The following ROBO2 variants were observed in gnomAD, a reference collection of about 807,000 sequenced individuals.
ROBO2 encodes roundabout guidance receptor 2.
A neutral mutation model predicts 160.8 loss-of-function variants in ROBO2; 53 were observed. That is an observed-to-expected ratio of 0.33 (90% CI 0.26 to 0.41). ROBO2 has a LOEUF of 0.41. ROBO2 is among the 10% of genes least tolerant of loss of function. The pLI is 1.00. For missense variants in ROBO2, 1,577 were observed against 1,722.4 expected (o/e 0.92, Z 1.49); for synonymous variants, 664 against 611.7 (o/e 1.09, Z -1.26).
At chr3:77,633,932 C>G (rs1440266879) in intron 23 of ROBO2, 1 of 152,124 alleles carries the variant, frequency 6.6e-6, no homozygotes, top group Non-Finnish European at 1.5e-5. Flanking sequence ...ATGCTAATAG[C>G]TAACACAGCA....
At chr3:77,365,524 C>T (rs1406595373) in intron 2 of ROBO2, among the ~76,000 whole-genome samples, 7 of 151,992 alleles carry the variant, frequency 4.6e-5, no homozygotes, top group African/African-American at 1.7e-4. Flanking sequence ...GATAGTATAC[C>T]CTTGTCTAAG....
At chr3:76,880,731 G>T (rs2073250364) in intron 2 of ROBO2, among the ~76,000 whole-genome samples, 1 of 152,142 alleles carries the variant, frequency 6.6e-6, no homozygotes, top group Admixed American at 6.5e-5. Flanking sequence ...TTTGTTAAAT[G>T]GAGTAAAAGG....
chr3:77,649,920 A>G (rs1324989454), exon 26 of ROBO2: 4 of 152,174 alleles, frequency 2.6e-5, no homozygotes, highest in Admixed American at 6.5e-5. Context: ...AGAATTGTGT[A>G]TTGTGTACTC....
At chr3:76,209,801 A>G (rs983958490) in intron 2 of ROBO2, among the ~76,000 whole-genome samples, 4 of 152,170 alleles carry the variant, frequency 2.6e-5, no homozygotes, top group African/African-American at 4.8e-5. Context: ...ATGGTCAACA[A>G]TGACCCTGGA....
chr3:77,363,444 G>A (rs1267777833), intron 2 of ROBO2, among the ~76,000 whole-genome samples: 4 of 152,190 alleles, frequency 2.6e-5, no homozygotes, highest in Admixed American at 2.0e-4. Context: ...GGATTTGCAG[G>A]CCATACGATC....
At chr3:76,241,165 C>T (rs1185666079) in intron 2 of ROBO2, among the ~76,000 whole-genome samples, 1 of 152,196 alleles carries the variant, frequency 6.6e-6, no homozygotes, top group Non-Finnish European at 1.5e-5. Context: ...CTATTCCCCA[C>T]TCACAGGTAT....
chr3:77,503,562 AAAT>A (rs941689697), intron 5 of ROBO2, among the ~76,000 whole-genome samples: 11 of 150,688 alleles, frequency 7.3e-5, no homozygotes, highest in African/African-American at 1.7e-4. Flanking sequence ...TAAATAAATA[AAAT>A]AATAATAAGG....
intron 2 of ROBO2, among the ~76,000 whole-genome samples, chr3:76,953,904 A>G (rs1019917627): frequency 6.6e-6 from 1 of 152,226 alleles, no homozygotes; most frequent in Non-Finnish European, 1.5e-5. Context: ...CTGTTCCACC[A>G]GAGTAAGTCT....
intron 2 of ROBO2, among the ~76,000 whole-genome samples, chr3:76,618,407 A>T (rs1306322849): frequency 2.6e-5 from 4 of 151,034 alleles, no homozygotes; most frequent in Non-Finnish European, 5.9e-5. Context: ...AGGAAATTAA[A>T]ACTAAAAAAT....
intron 2 of ROBO2, among the ~76,000 whole-genome samples, chr3:77,201,574 A>G (rs1423402945): frequency 6.6e-6 from 1 of 152,216 alleles, no homozygotes; most frequent in Non-Finnish European, 1.5e-5. Flanking sequence ...TTTACATTTG[A>G]AGATATAATA....
intron 2 of ROBO2, among the ~76,000 whole-genome samples, chr3:76,631,995 T>G (rs2090062736): frequency 1.3e-5 from 2 of 152,250 alleles, no homozygotes; most frequent in South Asian, 2.1e-4. Context: ...TTTAGCAAAC[T>G]ACTGAATAAA....
intron 2 of ROBO2, among the ~76,000 whole-genome samples, chr3:76,555,931 T>C (rs1455805351): frequency 6.6e-6 from 1 of 151,742 alleles, no homozygotes; most frequent in Admixed American, 6.6e-5. Context: ...AAACAAAAAA[T>C]ACAAAAAAAT....
intron 2 of ROBO2, among the ~76,000 whole-genome samples, chr3:76,756,531 T>C (rs1209733107): frequency 6.6e-6 from 1 of 151,876 alleles, no homozygotes; most frequent in Non-Finnish European, 1.5e-5. Flanking sequence ...AGTCTTATGA[T>C]TATGTTATTT....
intron 2 of ROBO2, among the ~76,000 whole-genome samples, chr3:76,639,039 A>G (rs1697302154): frequency 6.6e-6 from 1 of 152,108 alleles, no homozygotes; most frequent in Non-Finnish European, 1.5e-5. Flanking sequence ...CCAACTACAC[A>G]GACACTCTGC....
intron 2 of ROBO2, among the ~76,000 whole-genome samples, chr3:76,950,886 C>T (rs903992253): frequency 6.6e-6 from 1 of 152,186 alleles, no homozygotes; most frequent in East Asian, 1.9e-4. Context: ...ACCACCACAC[C>T]GGGCTTAATT....
At chr3:76,948,902 ATATATATTTTTT>A (rs1469960403) in intron 2 of ROBO2, among the ~76,000 whole-genome samples, 4,100 of 41,822 alleles carry the variant, frequency 0.098, 82 homozygotes, top group East Asian at 0.18. Context: ...ATATATATAT[ATATATATTTTTT>A]TTTTTTTTTT....
chr3:76,913,950 C>T (rs573286804), intron 2 of ROBO2, among the ~76,000 whole-genome samples: 1 of 119,532 alleles, frequency 8.4e-6, no homozygotes, highest in Non-Finnish European at 1.7e-5. Flanking sequence ...TACTCCATTA[C>T]ATGAGTAACT....
At chr3:75,914,935 C>T (rs1946747099) in intron 1 of ROBO2, among the ~76,000 whole-genome samples, 1 of 152,146 alleles carries the variant, frequency 6.6e-6, no homozygotes, top group Admixed American at 6.5e-5. Flanking sequence ...ATTAGCAGGC[C>T]AGCTGTTCCT....
intron 2 of ROBO2, among the ~76,000 whole-genome samples, chr3:77,413,975 T>C (rs1172114953): frequency 2.0e-5 from 3 of 152,132 alleles, no homozygotes; most frequent in Non-Finnish European, 4.4e-5. Context: ...TAAGTCATGA[T>C]ATTTGATAAG....
Sources: gnomAD v4.1 joint callset for allele counts (sites outside exome capture counted in the v4.1 genomes callset) on GRCh38, gnomAD v4.1.1 for gene constraint, MANE v1.5 for transcripts, NCBI Gene and HGNC (gene_info 2026-07-23, HGNC 2026-07-21) for gene names.